The following ERI1 variants were observed in gnomAD, a reference collection of about 807,000 sequenced individuals.
ERI1 encodes 3'-5' exoribonuclease 1.
ERI1 carries 39 observed loss-of-function variants against 39.7 expected under a neutral mutation model. The ratio of observed to expected loss-of-function variants is 0.98; its 90% CI spans 0.76 to 1.28. The LOEUF (loss-of-function observed/expected upper bound fraction) is 1.28, where lower values mean the gene tolerates loss of function less well. Ranked by LOEUF, ERI1 falls within the 50% of genes most tolerant of loss-of-function variation. The pLI is 0.00. For synonymous variants in ERI1, 204 were observed against 149.6 expected (o/e 1.36, Z -2.65); for missense variants, 581 against 416.9 (o/e 1.39, Z -3.43).
rs183641149 is a variant in ERI1, at chr8:9,066,173, C to A, written n.299+45709C>A. Among the ~76,000 whole-genome samples the A allele has an allele frequency of 1.9e-3, 290 of 152,302 alleles. 1 individual carries two copies. The highest frequency in any genetic ancestry group is 6.6e-3 in the African/African-American group (273 of 41,570). The stretch of plus-strand genomic sequence containing the variant: ...CCTTCTTCCTCCTCCTCTTCCTCCC[C>A]ACCTTCTTCCTCTTCTTTGTCCTCC... On this transcript the variant is annotated intron_variant and non_coding_transcript_variant, in intron 3 of 3. Transcript: ENST00000518663.
chr8:9,074,943 C>T (rs765196739), intron 3 of ERI1, among the ~76,000 whole-genome samples: 6 of 152,282 alleles, frequency 3.9e-5, no homozygotes, highest in African/African-American at 4.8e-5. Flanking sequence ...CCCCCACCAG[C>T]GCCACAGTGA....
At chr8:9,037,878 T>G (rs1563348233), downstream of ERI1, among the ~76,000 whole-genome samples, 1 of 130,122 alleles carries the variant, frequency 7.7e-6, no homozygotes, top group Non-Finnish European at 1.6e-5. Flanking sequence ...GTTCAGTCTG[T>G]ACATTGCTGA....
chr8:9,023,852 G>A (rs1007673416), intron 6 of ERI1, among the ~76,000 whole-genome samples: 4 of 127,268 alleles, frequency 3.1e-5, no homozygotes, highest in African/African-American at 1.2e-4. Flanking sequence ...AAGCTGGAGT[G>A]CAGTGGCATG....
In ERI1 at chr8:9,030,302, C is replaced by G. The variant is rs1797497906; in HGVS notation, c.*268C>G. On this transcript the variant is annotated 3_prime_UTR_variant, in exon 7 of 7. Coordinates refer to ENST00000250263, the MANE Select transcript of ERI1 (RefSeq NM_153332.4). ...ACTGAATTTTATAATTTAAGGTGTT[C>G]AAGATATATTCTTTTTGGTTTTAAA... The G allele has an allele frequency of 4.9e-6, 2 of 409,308 alleles. No homozygotes were observed. Among genetic ancestry groups the G allele is most frequent in the Non-Finnish European group, 8.9e-6 (2 of 225,620 alleles). The allele number at this position is 409,308 out of a possible 1,614,324, so 25.4% of individuals were successfully genotyped here.
intron 3 of ERI1, among the ~76,000 whole-genome samples, chr8:9,097,736 A>C (rs1036706381): frequency 7.9e-5 from 12 of 152,104 alleles, no homozygotes; most frequent in Non-Finnish European, 1.2e-4. Context: ...AAAGAAAGAA[A>C]AGAAGAAAGA....
At position 9,085,961 on chromosome 8, in the gene ERI1, ATGTGTTGGTTTG is replaced by A. The variant is rs560916978; in HGVS notation, n.300-30381_300-30370del. Among the ~76,000 whole-genome samples, 719 of 152,292 alleles carry A rather than the reference ATGTGTTGGTTTG, an allele frequency of 4.7e-3. 3 individuals are homozygous for A. Among genetic ancestry groups the A allele is most frequent in the Admixed American group, 7.4e-3 (113 of 15,306 alleles). ...TTTTAAAGTGTGTGCATAAGCATGCATGTGTTGGTTTGTGTGTATCTAGAAGATAATCTCTTG... is the reference window on the plus strand; with the variant it reads ...TTTTAAAGTGTGTGCATAAGCATGCATGTGTATCTAGAAGATAATCTCTTG... On this transcript the variant is annotated intron_variant and non_coding_transcript_variant, in intron 3 of 3. Transcript: ENST00000518663.
At chr8:9,027,768 G>A (rs1797290526) in intron 6 of ERI1, among the ~76,000 whole-genome samples, 1 of 152,156 alleles carries the variant, frequency 6.6e-6, no homozygotes, top group Admixed American at 6.5e-5. Context: ...ATGTATTTGT[G>A]AAAGTTTATT....
chr8:9,032,206 T>C lies in ERI1; in HGVS notation c.*2172T>C, dbSNP rs1797635053. On this transcript the variant is annotated 3_prime_UTR_variant, in exon 7 of 7. Coordinates refer to ENST00000250263, the MANE Select transcript of ERI1 (RefSeq NM_153332.4). ...GTCTTTGAAAGACAAATAGTACAAC[T>C]TTTTACAAGGAAACACGTAAGAGAT... 6.6e-6 allele frequency: 1 copy of C among 152,208 alleles called. No individual in the cohort carries two copies. Among genetic ancestry groups the C allele is most frequent in the Admixed American group, 6.5e-5 (1 of 15,282 alleles). The allele number at this position is 152,208 out of a possible 1,614,324, so 9.4% of individuals were successfully genotyped here.
intron 3 of ERI1, among the ~76,000 whole-genome samples, chr8:9,039,163 C>T (rs115128465): frequency 0.012 from 1,859 of 152,214 alleles, 38 homozygotes; most frequent in African/African-American, 0.043. Context: ...ACTCTTTAAC[C>T]TAGAAAACCT....
intron 3 of ERI1, among the ~76,000 whole-genome samples, chr8:9,083,385 C>G (rs557462576): frequency 1.3e-5 from 2 of 152,160 alleles, no homozygotes; most frequent in African/African-American, 4.8e-5. Flanking sequence ...AGCATACCAT[C>G]TAGGGGTCAA....
At chr8:9,092,222 G>T (rs1046037590) in intron 3 of ERI1, among the ~76,000 whole-genome samples, 2 of 152,166 alleles carry the variant, frequency 1.3e-5, no homozygotes, top group Non-Finnish European at 1.5e-5. Flanking sequence ...TTCTCAAAGC[G>T]CTGAGATTAC....
At chr8:9,038,756 A>G (rs541594705) in intron 3 of ERI1, among the ~76,000 whole-genome samples, 2 of 152,308 alleles carry the variant, frequency 1.3e-5, no homozygotes, top group South Asian at 4.1e-4. Flanking sequence ...TTCTATATTT[A>G]CTCAGTCATT....
At chr8:9,074,193 C>T (rs112414024) in intron 3 of ERI1, among the ~76,000 whole-genome samples, 20,897 of 152,030 alleles carry the variant, frequency 0.14, 1,606 homozygotes, top group Middle Eastern at 0.19. Flanking sequence ...TCACTGCAAC[C>T]TCCGCCTCCC....
At chr8:9,054,516 A>G (rs1563360513) in intron 3 of ERI1, among the ~76,000 whole-genome samples, 1 of 152,178 alleles carries the variant, frequency 6.6e-6, no homozygotes, top group Non-Finnish European at 1.5e-5. Context: ...AGCACAACAA[A>G]TTTATTTGAT....
chr8:9,033,418 C>A (rs998216310), downstream of ERI1: 1 of 113,740 alleles, frequency 8.8e-6, no homozygotes, highest in South Asian at 3.4e-4. Flanking sequence ...GCATCAGTGG[C>A]ACCATCTGGC....
intron 3 of ERI1, among the ~76,000 whole-genome samples, chr8:9,069,779 C>T (rs2117422194): frequency 6.6e-6 from 1 of 152,150 alleles, no homozygotes. Context: ...TATTACTTTA[C>T]AAATGTGGCA....
At chr8:9,012,283 T>G (rs546671242) in intron 3 of ERI1, among the ~76,000 whole-genome samples, 1 of 152,248 alleles carries the variant, frequency 6.6e-6, no homozygotes, top group East Asian at 1.9e-4. Context: ...CATATAACCC[T>G]GGTTTCTAAG....
intron 3 of ERI1, among the ~76,000 whole-genome samples, chr8:9,044,721 C>T (rs186842745): frequency 6.6e-6 from 1 of 152,042 alleles, no homozygotes; most frequent in East Asian, 1.9e-4. Context: ...GTTGAAGAAA[C>T]AGAAACACAG....
chr8:9,026,025 T>C (rs1300446110), intron 6 of ERI1, among the ~76,000 whole-genome samples: 4 of 152,188 alleles, frequency 2.6e-5, no homozygotes, highest in Non-Finnish European at 5.9e-5. Flanking sequence ...AGTCTGGTTG[T>C]TTGGCATCAT....
Sources: allele counts gnomAD v4.1 joint callset (sites outside exome capture counted in the v4.1 genomes callset), GRCh38; gene constraint gnomAD v4.1.1; transcripts MANE v1.5; gene names NCBI Gene and HGNC (gene_info 2026-07-23, HGNC 2026-07-21).